DSCAML1: variants seen among roughly 807,000 people sequenced by gnomAD.
DSCAML1 encodes DS cell adhesion molecule like 1.
In DSCAML1, 38 loss-of-function variants were observed where a neutral mutation model predicts 200.5. The observed-to-expected ratio is 0.19, with a 90% CI of 0.15 to 0.25. DSCAML1 has a LOEUF of 0.25. Among genes scored for constraint, DSCAML1 ranks in the 10% least tolerant of loss-of-function variants. The pLI, the probability that DSCAML1 is intolerant of heterozygous loss-of-function variation, is 1.00. For missense variants in DSCAML1, 2,223 were observed against 2,858.8 expected, an observed-to-expected ratio of 0.78 and a Z score of 5.07; for synonymous variants, 1,215 against 1,165.0, an observed-to-expected ratio of 1.04 and a Z score of -0.87.
Position 117,780,877 on chromosome 11 carries a change from A to G in DSCAML1, c.47-67T>C, listed in dbSNP as rs2134054763. ...CTAACAATACCCATATAAGCCACGG[A>G]GGCTTGCGACAGGCTGCACTCATTC... On this transcript the variant is annotated intron_variant, in intron 1 of 32. Transcript: ENST00000651296. This position sits in a 1 kb window ranked among gnomAD's most constrained non-coding sequence, Gnocchi z 4.8. The G allele has an allele frequency of 7.7e-7, 1 of 1,306,210 alleles. No homozygotes were observed. Among genetic ancestry groups the G allele is most frequent in the African/African-American group, 1.5e-5 (1 of 66,108 alleles). 80.9% of individuals were successfully genotyped at this position (1,306,210 alleles called of 1,614,324 possible).
At chr11:117,770,665 C>T (rs1189521854) in intron 3 of DSCAML1, among the ~76,000 whole-genome samples, 1 of 71,574 alleles carries the variant, frequency 1.4e-5, no homozygotes, top group Admixed American at 2.1e-4. Flanking sequence ...GGGGATAACA[C>T]AGACCTAAAA....
intron 3 of DSCAML1, among the ~76,000 whole-genome samples, chr11:117,555,385 G>C (rs952147536): frequency 6.6e-6 from 1 of 152,162 alleles, no homozygotes; most frequent in South Asian, 2.1e-4. Flanking sequence ...CAGGATCTGC[G>C]GAGGTGGATA....
At chr11:117,757,836 C>T (rs1232160397) in intron 3 of DSCAML1, among the ~76,000 whole-genome samples, 2 of 151,892 alleles carry the variant, frequency 1.3e-5, no homozygotes, top group Non-Finnish European at 1.5e-5. Flanking sequence ...ACCAAAAATA[C>T]AAAATTAGCC....
At position 117,436,765 on chromosome 11, in the gene DSCAML1, A is replaced by G. The variant is rs12099072; in HGVS notation, c.4720+357T>C. Among the ~76,000 whole-genome samples the G allele has an allele frequency of 8.5e-3, 1,291 of 152,270 alleles. 23 individuals carry two copies. Among genetic ancestry groups the G allele is most frequent in the African/African-American group, 0.029 (1,224 of 41,542 alleles). Reference sequence around the variant, plus strand: ...CCCCTCCTGGCTAATATTCCATATCAGCAGAAAGTTCTTAGAGGTCAGGAC... The same window carrying G: ...CCCCTCCTGGCTAATATTCCATATCGGCAGAAAGTTCTTAGAGGTCAGGAC... On this transcript the variant is annotated intron_variant, in intron 26 of 32. Coordinates refer to ENST00000651296, the MANE Select transcript of DSCAML1 (RefSeq NM_020693.4).
At chr11:117,712,638 G>A (rs573423836) in intron 3 of DSCAML1, among the ~76,000 whole-genome samples, 21 of 152,150 alleles carry the variant, frequency 1.4e-4, no homozygotes, top group East Asian at 5.8e-4. Flanking sequence ...GCACGCGCAC[G>A]CCGACAGCAT....
chr11:117,800,342 T>C (rs1357353710), upstream of DSCAML1, among the ~76,000 whole-genome samples: 1 of 152,220 alleles, frequency 6.6e-6, no homozygotes, highest in Non-Finnish European at 1.5e-5. Context: ...GCTGACATTT[T>C]AGAGGGGCTA....
chr11:117,467,058 T>C (rs1848976289), intron 16 of DSCAML1, among the ~76,000 whole-genome samples: 1 of 152,052 alleles, frequency 6.6e-6, no homozygotes, highest in Admixed American at 6.6e-5. Context: ...CTGGTGGGAA[T>C]GAAGACTGAG....
intron 1 of DSCAML1, among the ~76,000 whole-genome samples, chr11:117,783,158 A>G (rs753312809): frequency 4.6e-5 from 7 of 152,150 alleles, no homozygotes; most frequent in Non-Finnish European, 1.0e-4. Context: ...TTTCTGTTGG[A>G]TTCTGGGCAT....
chr11:117,517,664 CA>C (rs770120661), intron 7 of DSCAML1, among the ~76,000 whole-genome samples: 1 of 152,236 alleles, frequency 6.6e-6, no homozygotes, highest in East Asian at 1.9e-4. Context: ...CCACGGCAAC[CA>C]GGGGTGCCCC....
At chr11:117,545,226 T>TAAAAA (rs369727751) in intron 3 of DSCAML1, among the ~76,000 whole-genome samples, 11 of 135,928 alleles carry the variant, frequency 8.1e-5, no homozygotes, top group Non-Finnish European at 1.4e-4. Flanking sequence ...CAAGATTCCG[T>TAAAAA]AAAAAAAAAC....
chr11:117,509,016 T>C (rs1219364820), intron 8 of DSCAML1, among the ~76,000 whole-genome samples: 1 of 152,156 alleles, frequency 6.6e-6, no homozygotes, highest in Non-Finnish European at 1.5e-5. Context: ...TGCTCCTCTG[T>C]GAAGGCATTA....
intron 3 of DSCAML1, among the ~76,000 whole-genome samples, chr11:117,618,906 C>T (rs1474445513): frequency 6.6e-6 from 1 of 152,146 alleles, no homozygotes; most frequent in East Asian, 1.9e-4. Flanking sequence ...TGGGGGTGTT[C>T]TCAGGAGACA....
intron 14 of DSCAML1, among the ~76,000 whole-genome samples, chr11:117,475,045 G>A (rs1312800502): frequency 2.0e-5 from 3 of 152,122 alleles, no homozygotes; most frequent in East Asian, 3.9e-4. Context: ...GTGAGTCACC[G>A]CGCCTGGCCT....
At chr11:117,758,948 G>A (rs937457434) in intron 3 of DSCAML1, among the ~76,000 whole-genome samples, 4 of 152,130 alleles carry the variant, frequency 2.6e-5, no homozygotes, top group Non-Finnish European at 4.4e-5. Context: ...TCAGGAGATC[G>A]TCTGTTACAT....
chr11:117,591,624 T>A (rs909451964), intron 3 of DSCAML1, among the ~76,000 whole-genome samples: 3 of 152,210 alleles, frequency 2.0e-5, no homozygotes, highest in African/African-American at 7.2e-5. Flanking sequence ...TCTCTGCATC[T>A]CCCTCACTTT....
chr11:117,580,099 G>T (rs1420392743), intron 3 of DSCAML1, among the ~76,000 whole-genome samples: 1 of 152,174 alleles, frequency 6.6e-6, no homozygotes, highest in Non-Finnish European at 1.5e-5. Context: ...CTCCTTAAGT[G>T]TTCGTATAGA....
intron 21 of DSCAML1, among the ~76,000 whole-genome samples, chr11:117,443,206 C>T (rs2048104968): frequency 6.6e-6 from 1 of 152,202 alleles, no homozygotes; most frequent in African/African-American, 2.4e-5. Flanking sequence ...TCCTACGCCC[C>T]AGGGAGAGGC....
At chr11:117,778,729 G>T (rs923779582) in intron 2 of DSCAML1, among the ~76,000 whole-genome samples, 1 of 152,208 alleles carries the variant, frequency 6.6e-6, no homozygotes, top group African/African-American at 2.4e-5. Context: ...CAATGAGGGG[G>T]AGGTGACAGG....
chr11:117,597,301 G>A (rs140357970), intron 3 of DSCAML1, among the ~76,000 whole-genome samples: 2 of 152,262 alleles, frequency 1.3e-5, no homozygotes, highest in South Asian at 2.1e-4. Context: ...CGCCAGAACG[G>A]CCTCAGTCAC....
Sources: gnomAD v4.1 joint callset for allele counts (sites outside exome capture counted in the v4.1 genomes callset) on GRCh38, gnomAD v4.1.1 for gene constraint, Gnocchi (gnomAD v3.1) non-coding constraint, MANE v1.5 for transcripts, NCBI Gene and HGNC (gene_info 2026-07-23, HGNC 2026-07-21) for gene names.